The following LAMB1 variants were observed in gnomAD, a reference collection of about 807,000 sequenced individuals.
LAMB1 encodes laminin subunit beta 1.
LAMB1 carries 121 observed loss-of-function variants against 222.3 expected under a neutral mutation model. That is an observed-to-expected ratio of 0.54 (90% confidence interval 0.47 to 0.63). The LOEUF (loss-of-function observed/expected upper bound fraction) is 0.63. Ranked by LOEUF, LAMB1 falls within the 30% of genes least tolerant of loss-of-function variation. LAMB1 has a pLI of 0.00. For missense variants in LAMB1, 2,172 were observed against 2,240.8 expected (o/e 0.97, Z 0.62); for synonymous variants, 794 against 807.2 (o/e 0.98, Z 0.28).
chr7:107,932,636 C>G (rs1017940163), intron 27 of LAMB1: 1 of 526,868 alleles, frequency 1.9e-6, no homozygotes, highest in Non-Finnish European at 3.4e-6. Flanking sequence ...ACTATATGAG[C>G]TCTGCCCAGG....
intron 28 of LAMB1, 82 bp downstream of exon 28, chr7:107,932,092 T>G: frequency 8.1e-7 from 1 of 1,240,814 alleles, no homozygotes; most frequent in South Asian, 1.2e-5. Flanking sequence ...GCATTTAGAA[T>G]TGATTTCTCC....
intron 13 of LAMB1, among the ~76,000 whole-genome samples, chr7:107,965,098 C>T (rs1000626882): frequency 1.3e-5 from 2 of 152,208 alleles, no homozygotes; most frequent in African/African-American, 4.8e-5. Context: ...GACAGAAGCC[C>T]TCAATCCCTC....
At chr7:107,990,741 C>T (rs543840527) in intron 5 of LAMB1, among the ~76,000 whole-genome samples, 6 of 152,288 alleles carry the variant, frequency 3.9e-5, no homozygotes, top group African/African-American at 1.4e-4. Flanking sequence ...AAAACAGGGG[C>T]ACCTCATCTT....
intron 24 of LAMB1, among the ~76,000 whole-genome samples, chr7:107,946,333 T>C (rs907156010): frequency 9.9e-5 from 15 of 152,260 alleles, no homozygotes; most frequent in Admixed American, 8.5e-4. Flanking sequence ...CTCAGTAATA[T>C]AGGTTCAATT....
intron 14 of LAMB1, 142 bp from the exon 15 acceptor site, chr7:107,963,205 A>C (rs928626711): frequency 2.7e-6 from 2 of 745,866 alleles, no homozygotes; most frequent in Non-Finnish European, 4.2e-6. Flanking sequence ...ATCTCCCCTA[A>C]TAGATTGTAA....
intron 27 of LAMB1, among the ~76,000 whole-genome samples, chr7:107,933,474 A>C (rs969468991): frequency 1.3e-5 from 2 of 152,224 alleles, no homozygotes; most frequent in African/African-American, 2.4e-5. Flanking sequence ...TTCAGAAAAT[A>C]AAGTGTATTC....
chr7:107,966,361 C>A (rs2150433055), intron 13 of LAMB1, among the ~76,000 whole-genome samples: 1 of 152,096 alleles, frequency 6.6e-6, no homozygotes, highest in South Asian at 2.1e-4. Flanking sequence ...TAGGCGACTG[C>A]CACCATGCCT....
At chr7:107,970,505 A>AAAGG (rs386418403) in intron 13 of LAMB1, among the ~76,000 whole-genome samples, 7 of 108,820 alleles carry the variant, frequency 6.4e-5, no homozygotes, top group African/African-American at 2.3e-4. Flanking sequence ...AAAAAAAAAA[A>AAAGG]GGGGGGGGTG....
At chr7:107,967,584 C>T (rs980199570) in intron 13 of LAMB1, among the ~76,000 whole-genome samples, 23 of 152,132 alleles carry the variant, frequency 1.5e-4, no homozygotes, top group African/African-American at 4.1e-4. Context: ...TTCCAATGAG[C>T]CACACTCCTC....
Position 107,959,452 on chromosome 7 carries a change from G to A in LAMB1, c.2487C>T (p.Val829=), listed in dbSNP as rs2033447512. Reference sequence around the variant, plus strand: ...CAGTGACGGGATTGCAGAAGGCATTGACAGATCCTTGCAGATGGCACTCAC... The same window carrying A: ...CAGTGACGGGATTGCAGAAGGCATTAACAGATCCTTGCAGATGGCACTCAC... ...KPCECHLQGS[V]NAFCNPVTGQ... Residue 829 remains valine (V), a synonymous_variant, in exon 20 of 34, where the codon GTC becomes GTT. Coordinates refer to ENST00000222399, the MANE Select transcript of LAMB1 (RefSeq NM_002291.3). 1 of 1,614,052 alleles carries A rather than the reference G, an allele frequency of 6.2e-7. No homozygotes were observed. The highest frequency in any genetic ancestry group is 1.3e-5 in the African/African-American group (1 of 74,918).
rs143733415 is a variant in LAMB1 at position 107,972,107 on chromosome 7, G to A, written c.1562+885C>T. ...TTTTCTAAGAACAGATATTCACACCGGATTTCAGAGGCTACATGCTGTACT... is the reference window on the plus strand; with the variant it reads ...TTTTCTAAGAACAGATATTCACACCAGATTTCAGAGGCTACATGCTGTACT... On this transcript the variant is annotated intron_variant, in intron 13 of 33. Coordinates refer to ENST00000222399, the MANE Select transcript of LAMB1 (RefSeq NM_002291.3). Among the ~76,000 whole-genome samples, 343 of 152,256 alleles carry A rather than the reference G, an allele frequency of 2.3e-3. 1 individual carries two copies. Among genetic ancestry groups the A allele is most frequent in the African/African-American group, 7.5e-3 (313 of 41,554 alleles).
rs367600316 is a variant in LAMB1 at position 107,929,129 on chromosome 7, C to G, written c.4822G>C (p.Ala1608Pro). 1 of 1,613,882 alleles carries G rather than the reference C, an allele frequency of 6.2e-7. No individual in the cohort carries two copies. The highest frequency in any genetic ancestry group is 8.5e-7 in the Non-Finnish European group (1 of 1,179,952). Residue 1608 changes from alanine to proline, a missense_variant, in exon 31 of 34, where the codon GCA becomes CCA. Physicochemically the swap from Ala to Pro is conservative, Grantham distance 27. Coordinates refer to ENST00000222399, the MANE Select transcript of LAMB1 (RefSeq NM_002291.3). Reference protein sequence around the residue: ...ALEEAEKAQVAAEKAIKQADE... With the variant: ...ALEEAEKAQVPAEKAIKQADE... ...GCTTGTTTAATTGCCTTCTCTGCTGCGACCTGGGCCTTTTCTGCTTCTTCC... is the reference window on the plus strand; with the variant it reads ...GCTTGTTTAATTGCCTTCTCTGCTGGGACCTGGGCCTTTTCTGCTTCTTCC...
At chr7:107,993,168 C>T (rs2034217797) in intron 5 of LAMB1, among the ~76,000 whole-genome samples, 3 of 152,200 alleles carry the variant, frequency 2.0e-5, no homozygotes, top group Admixed American at 2.0e-4. Flanking sequence ...GGGTCTCACC[C>T]TGTCACCCAG....
intron 28 of LAMB1, 23 bp from the exon 29 acceptor site, chr7:107,931,523 C>T (rs190416402): frequency 5.7e-4 from 915 of 1,606,534 alleles, no homozygotes; most frequent in Middle Eastern, 6.6e-4. Flanking sequence ...AATAAATTAC[C>T]CAGGGAAGAC....
At chr7:107,993,791 A>T (rs924809020) in intron 5 of LAMB1, among the ~76,000 whole-genome samples, 1 of 152,200 alleles carries the variant, frequency 6.6e-6, no homozygotes, top group Non-Finnish European at 1.5e-5. Flanking sequence ...AGTAGTTGAC[A>T]ATTTATTTAG....
intron 15 of LAMB1, among the ~76,000 whole-genome samples, chr7:107,962,086 T>C (rs1202861957): frequency 3.3e-5 from 5 of 152,216 alleles, no homozygotes; most frequent in African/African-American, 1.2e-4. Flanking sequence ...AAACCCTCTC[T>C]TCTCTCTTCC....
chr7:107,976,263 C>T (rs552277563), intron 9 of LAMB1, among the ~76,000 whole-genome samples: 1 of 152,246 alleles, frequency 6.6e-6, no homozygotes, highest in Admixed American at 6.5e-5. Flanking sequence ...GAGGGACCTT[C>T]CAGATGATGT....
intron 9 of LAMB1, among the ~76,000 whole-genome samples, chr7:107,976,525 T>C (rs1455730927): frequency 3.9e-5 from 6 of 152,184 alleles, no homozygotes; most frequent in Non-Finnish European, 7.4e-5. Flanking sequence ...AATCCCATTC[T>C]TGTCTTTGCA....
At chr7:107,933,479 G>T (rs982631867) in intron 27 of LAMB1, among the ~76,000 whole-genome samples, 4 of 152,014 alleles carry the variant, frequency 2.6e-5, no homozygotes, top group Admixed American at 6.6e-5. Flanking sequence ...AAAATAAAGT[G>T]TATTCTGCAT....
Sources: allele counts gnomAD v4.1 joint callset (sites outside exome capture counted in the v4.1 genomes callset), GRCh38; gene constraint gnomAD v4.1.1; transcripts MANE v1.5; gene names NCBI Gene and HGNC (gene_info 2026-07-23, HGNC 2026-07-21).